The following ANO2 variants were observed in gnomAD, a reference collection of about 807,000 sequenced individuals.
The protein encoded by ANO2 is anoctamin 2.
ANO2 carries 101 observed loss-of-function variants against 124.2 expected under a neutral mutation model. That is an observed-to-expected ratio of 0.81 (90% CI 0.69 to 0.96). The LOEUF (loss-of-function observed/expected upper bound fraction) is 0.96. ANO2 is among the 40% of genes least tolerant of loss of function. The pLI is 0.00. For synonymous variants in ANO2, 486 were observed against 482.5 expected (o/e 1.01, Z -0.09); for missense variants, 1,293 against 1,274.5 (o/e 1.01, Z -0.22).
intron 12 of ANO2, among the ~76,000 whole-genome samples, chr12:5,741,554 G>A (rs956723240): frequency 1.3e-5 from 2 of 152,124 alleles, no homozygotes; most frequent in Non-Finnish European, 2.9e-5. Flanking sequence ...AGTGCTGACC[G>A]ACTGGTGTCT....
chr12:5,582,156 T>C (rs1565436010), intron 20 of ANO2, among the ~76,000 whole-genome samples: 1 of 152,326 alleles, frequency 6.6e-6, no homozygotes, highest in East Asian at 1.9e-4. Context: ...AAATCCTCCG[T>C]GCGCTGCATA....
At chr12:5,681,873 C>T (rs1239784076) in intron 14 of ANO2, among the ~76,000 whole-genome samples, 1 of 152,160 alleles carries the variant, frequency 6.6e-6, no homozygotes, top group African/African-American at 2.4e-5. Flanking sequence ...CCCAAGAAAG[C>T]AGACGGTCTC....
At chr12:5,732,729 G>A in intron 13 of ANO2, 99 bp from the exon 14 acceptor site, 1 of 1,520,910 alleles carries the variant, frequency 6.6e-7, no homozygotes, top group Non-Finnish European at 9.1e-7. Context: ...CAGCGTTTAG[G>A]ATTGGATGCT....
intron 3 of ANO2, among the ~76,000 whole-genome samples, chr12:5,863,311 G>A (rs963060489): frequency 1.3e-5 from 2 of 152,156 alleles, no homozygotes; most frequent in African/African-American, 4.8e-5. Flanking sequence ...AACAGAGTGT[G>A]ACTCAGGCTT....
At chr12:5,852,867 G>GTGTA (rs893415663) in intron 4 of ANO2, among the ~76,000 whole-genome samples, 1 of 150,760 alleles carries the variant, frequency 6.6e-6, no homozygotes, top group Non-Finnish European at 1.5e-5. Context: ...GTGTGTGTGT[G>GTGTA]TGTGTGTGTG....
rs1161733026 is a variant in ANO2 at position 5,612,666 on chromosome 12, T to C, written c.2077A>G (p.Ile693Val). 1.2e-5 allele frequency: 19 copies of C among 1,613,848 alleles called. No individual in the cohort carries two copies. The highest frequency in any genetic ancestry group is 1.7e-5 in the Admixed American group (1 of 60,008). Residue 693 changes from isoleucine (I) to valine (V), a missense_variant, in exon 19 of 25, where the codon ATT becomes GTT. Transcript: ENST00000682330. Reference protein sequence around the residue: ...KQLIQNNIFEIGVPKLKKLFR... With the variant: ...KQLIQNNIFEVGVPKLKKLFR... Reference sequence around the variant, plus strand: ...GAGTTCATTACATACGGGACTCCAATCTCAAAGATGTTGTTCTGGATCAAC... The same window carrying C: ...GAGTTCATTACATACGGGACTCCAACCTCAAAGATGTTGTTCTGGATCAAC...
intron 3 of ANO2, among the ~76,000 whole-genome samples, chr12:5,872,811 C>T (rs1937793139): frequency 6.6e-6 from 1 of 152,064 alleles, no homozygotes; most frequent in African/African-American, 2.4e-5. Context: ...ACCTGTCAGC[C>T]CTCCAAGTTC....
intron 14 of ANO2, among the ~76,000 whole-genome samples, chr12:5,713,701 T>A (rs1464543281): frequency 6.6e-6 from 1 of 152,202 alleles, no homozygotes; most frequent in African/African-American, 2.4e-5. Flanking sequence ...GAACTGTTGT[T>A]ACCAAGACTC....
At chr12:5,927,448 A>C (rs1048825736) in intron 1 of ANO2, among the ~76,000 whole-genome samples, 4 of 152,186 alleles carry the variant, frequency 2.6e-5, no homozygotes, top group Non-Finnish European at 2.9e-5. Context: ...CCAAATCTCA[A>C]TGAAAAAACA....
chr12:5,578,539 A>G (rs773427109), intron 20 of ANO2, 21 bp from the exon 21 acceptor site: 16 of 1,607,098 alleles, frequency 1.0e-5, no homozygotes, highest in Middle Eastern at 1.7e-4. Flanking sequence ...GCACAGCATG[A>G]GGGCTTCAGC....
At chr12:5,678,590 G>A (rs1014009718) in intron 14 of ANO2, among the ~76,000 whole-genome samples, 1 of 152,198 alleles carries the variant, frequency 6.6e-6, no homozygotes, top group Non-Finnish European at 1.5e-5. Context: ...CATTTCTGAG[G>A]GGGACTGAAT....
intron 14 of ANO2, among the ~76,000 whole-genome samples, chr12:5,710,696 T>C (rs1025907664): frequency 6.6e-6 from 1 of 152,184 alleles, no homozygotes; most frequent in African/African-American, 2.4e-5. Context: ...ATGAATCATT[T>C]GGAGACTGAC....
At chr12:5,739,958 A>T (rs1441841378) in intron 12 of ANO2, 1 of 456,024 alleles carries the variant, frequency 2.2e-6, no homozygotes. Context: ...AGCTGATAGA[A>T]TAATCTCTGT....
chr12:5,628,970 C>T (rs551288544), intron 16 of ANO2, among the ~76,000 whole-genome samples: 147 of 152,324 alleles, frequency 9.7e-4, no homozygotes, highest in Non-Finnish European at 1.7e-3. Context: ...CCCATCCCTC[C>T]TTTCACTCTC....
At chr12:5,696,696 T>A (rs564775281) in intron 14 of ANO2, among the ~76,000 whole-genome samples, 6 of 152,108 alleles carry the variant, frequency 3.9e-5, no homozygotes, top group Non-Finnish European at 8.8e-5. Flanking sequence ...TCAACATCAC[T>A]AATAAAGAGA....
At chr12:5,710,667 T>G (rs1949778751) in intron 14 of ANO2, among the ~76,000 whole-genome samples, 1 of 152,116 alleles carries the variant, frequency 6.6e-6, no homozygotes, top group South Asian at 2.1e-4. Flanking sequence ...GATAAGGAAA[T>G]AGCACACAGT....
chr12:5,865,124 C>G (rs572434747), intron 3 of ANO2, among the ~76,000 whole-genome samples: 2 of 152,320 alleles, frequency 1.3e-5, no homozygotes, highest in Admixed American at 1.3e-4. Context: ...CCTGCCTTCT[C>G]TTAGCAGTGA....
intron 1 of ANO2, among the ~76,000 whole-genome samples, chr12:5,941,989 A>C (rs1942913963): frequency 6.6e-6 from 1 of 152,252 alleles, no homozygotes; most frequent in Non-Finnish European, 1.5e-5. Context: ...TCACCAGCAG[A>C]ACTGCACCTC....
At chr12:5,600,584 C>T (rs1465082830) in intron 19 of ANO2, among the ~76,000 whole-genome samples, 2 of 152,134 alleles carry the variant, frequency 1.3e-5, no homozygotes, top group African/African-American at 4.8e-5. Flanking sequence ...TAGATGATAC[C>T]TGTTATTATT....
Sources: allele counts gnomAD v4.1 joint callset (sites outside exome capture counted in the v4.1 genomes callset), GRCh38; gene constraint gnomAD v4.1.1; transcripts MANE v1.5; gene names NCBI Gene and HGNC (gene_info 2026-07-23, HGNC 2026-07-21).